Variants in KIAA2012 observed in about 807,000 individuals in gnomAD.
KIAA2012 encodes KIAA2012.
KIAA2012 carries 125 observed loss-of-function variants against 150.6 expected under a neutral mutation model. The ratio of observed to expected loss-of-function variants is 0.83; its 90% CI spans 0.72 to 0.96. KIAA2012 has a LOEUF of 0.96. Ranked by LOEUF, KIAA2012 falls within the 40% of genes least tolerant of loss-of-function variation. The pLI is 0.00. For missense variants in KIAA2012, 1,219 were observed against 1,354.9 expected (o/e 0.90, Z 1.57); for synonymous variants, 462 against 504.7 (o/e 0.92, Z 1.13).
chr2:202,160,313 CTT>C (rs774846619), intron 14 of KIAA2012, among the ~76,000 whole-genome samples: 6 of 122,172 alleles, frequency 4.9e-5, no homozygotes, highest in East Asian at 2.2e-4. Flanking sequence ...TTCATAAGGT[CTT>C]TTTTTTTTTT....
intron 14 of KIAA2012, 56 bp downstream of exon 14, chr2:202,154,866 G>C: frequency 1.3e-6 from 2 of 1,505,948 alleles, no homozygotes; most frequent in Middle Eastern, 1.7e-4. Flanking sequence ...AGGAATTCCA[G>C]TTAATACACT....
chr2:202,167,884 A>G (rs1043490810), intron 15 of KIAA2012, among the ~76,000 whole-genome samples: 4 of 152,004 alleles, frequency 2.6e-5, no homozygotes, highest in Non-Finnish European at 4.4e-5. Flanking sequence ...GGTAGTGGGG[A>G]AGGAATTGGT....
At chr2:202,172,441 C>A (rs1018337890) in intron 15 of KIAA2012, among the ~76,000 whole-genome samples, 1 of 152,148 alleles carries the variant, frequency 6.6e-6, no homozygotes, top group Non-Finnish European at 1.5e-5. Context: ...GTTTTTTAAG[C>A]CAGCATGAAT....
At chr2:202,189,884 G>A (rs1316191782) in intron 18 of KIAA2012, among the ~76,000 whole-genome samples, 2 of 152,046 alleles carry the variant, frequency 1.3e-5, no homozygotes. Context: ...TTGAGCTCAG[G>A]GATTTGAGAC....
chr2:202,137,217 A>T (rs1160179326), intron 12 of KIAA2012: 4 of 152,212 alleles, frequency 2.6e-5, no homozygotes, highest in Admixed American at 2.6e-4. Context: ...TTTGTTGGAC[A>T]TTCGTCCCAC....
chr2:202,192,054 C>G (rs1170071368), intron 19 of KIAA2012, among the ~76,000 whole-genome samples: 2 of 152,112 alleles, frequency 1.3e-5, no homozygotes, highest in Non-Finnish European at 2.9e-5. Flanking sequence ...GAAGATTTTC[C>G]TTTATAGTTC....
intron 13 of KIAA2012, among the ~76,000 whole-genome samples, chr2:202,141,709 T>A (rs1691200348): frequency 1.3e-5 from 2 of 152,130 alleles, no homozygotes; most frequent in Non-Finnish European, 2.9e-5. Flanking sequence ...GCCCTTCATT[T>A]GATTAAGGGA....
At chr2:202,190,931 C>T (rs968515977) in intron 19 of KIAA2012, among the ~76,000 whole-genome samples, 3 of 152,152 alleles carry the variant, frequency 2.0e-5, no homozygotes, top group Non-Finnish European at 4.4e-5. Context: ...TGCGTTTCTG[C>T]GGTATGCAGC....
chr2:202,138,676 C>G (rs759116453), intron 13 of KIAA2012, among the ~76,000 whole-genome samples, 168 bp downstream of exon 13: 1 of 152,160 alleles, frequency 6.6e-6, no homozygotes, highest in Non-Finnish European at 1.5e-5. Context: ...TTCCTTTACT[C>G]TTAGACTTGG....
intron 23 of KIAA2012, among the ~76,000 whole-genome samples, 193 bp downstream of exon 23, chr2:202,202,780 A>G (rs3181156): frequency 0.13 from 19,398 of 151,866 alleles, 4,115 homozygotes; most frequent in African/African-American, 0.44. Flanking sequence ...AAACATTTAA[A>G]TTAGCCAGGC....
chr2:202,120,053 C>T (rs1477398317), intron 11 of KIAA2012, among the ~76,000 whole-genome samples: 1 of 152,198 alleles, frequency 6.6e-6, no homozygotes, highest in Non-Finnish European at 1.5e-5. Flanking sequence ...CTTACTCCTC[C>T]TTGCCTTTTG....
chr2:202,117,721 C>T (rs1391640815), intron 11 of KIAA2012, among the ~76,000 whole-genome samples: 27 of 152,232 alleles, frequency 1.8e-4, no homozygotes, highest in Admixed American at 1.7e-3. Flanking sequence ...GGTTAACAGG[C>T]ATTGTGTAAA....
At chr2:202,139,554 T>C (rs562309958) in intron 13 of KIAA2012, among the ~76,000 whole-genome samples, 19 of 152,300 alleles carry the variant, frequency 1.2e-4, no homozygotes, top group Admixed American at 7.2e-4. Context: ...GCACTCATTA[T>C]ACATAATGAT....
At chr2:202,142,346 G>A (rs988478720) in intron 13 of KIAA2012, among the ~76,000 whole-genome samples, 1 of 152,146 alleles carries the variant, frequency 6.6e-6, no homozygotes, top group Non-Finnish European at 1.5e-5. Flanking sequence ...CATTGATTAT[G>A]TATTTCTGAC....
At chr2:202,164,670 G>A (rs1214349215) in intron 14 of KIAA2012, among the ~76,000 whole-genome samples, 4 of 152,292 alleles carry the variant, frequency 2.6e-5, no homozygotes, top group South Asian at 2.1e-4. Flanking sequence ...TCAAGGCCAT[G>A]GGGGTTTGAC....
chr2:202,120,815 T>C (rs747743159), intron 11 of KIAA2012, among the ~76,000 whole-genome samples: 76 of 152,220 alleles, frequency 5.0e-4, no homozygotes, highest in Non-Finnish European at 8.5e-4. Context: ...TCCCAGAGTA[T>C]TTCTCATAAT....
chr2:202,130,822 C>T (rs1010017161), intron 12 of KIAA2012, among the ~76,000 whole-genome samples: 23 of 152,178 alleles, frequency 1.5e-4, no homozygotes, highest in Non-Finnish European at 2.8e-4. Flanking sequence ...GGGGCTCAGG[C>T]AGGAGAATCA....
chr2:202,179,869 T>C (rs1692082157), intron 15 of KIAA2012: 1 of 659,888 alleles, frequency 1.5e-6, no homozygotes, highest in African/African-American at 1.8e-5. Context: ...TACAGCCATG[T>C]TAACCCTAAA....
intron 2 of KIAA2012, among the ~76,000 whole-genome samples, chr2:202,077,935 A>G (rs1353232638): frequency 6.6e-6 from 1 of 152,232 alleles, no homozygotes; most frequent in Non-Finnish European, 1.5e-5. Context: ...TAAAATCATA[A>G]TACCCAGTGC....
Sources: gnomAD v4.1 joint callset for allele counts (sites outside exome capture counted in the v4.1 genomes callset) on GRCh38, gnomAD v4.1.1 for gene constraint, MANE v1.5 for transcripts, NCBI Gene and HGNC (gene_info 2026-07-23, HGNC 2026-07-21) for gene names.